Variants in COL4A2 observed in about 807,000 individuals in gnomAD.
COL4A2 encodes the protein collagen type IV alpha 2 chain, also known as collagen alpha-2(IV) chain.
Under a neutral mutation model 200.2 loss-of-function variants are expected in COL4A2, and 99 were observed. The ratio of observed to expected loss-of-function variants is 0.49; its 90% CI spans 0.42 to 0.58. COL4A2 has a LOEUF of 0.58. Among genes scored for constraint, COL4A2 ranks in the 20% least tolerant of loss-of-function variants. The probability of loss-of-function intolerance (pLI) is 0.00; values close to 1 mark genes in which losing one functional copy is unlikely to be tolerated. For synonymous variants in COL4A2, 897 were observed against 900.6 expected (o/e 1.00, Z 0.07); for missense variants, 1,950 against 2,314.1 (o/e 0.84, Z 3.23).
At chr13:110,317,212 A>ACC (rs888905018) in intron 3 of COL4A2, among the ~76,000 whole-genome samples, 2 of 141,480 alleles carry the variant, frequency 1.4e-5, no homozygotes, top group Non-Finnish European at 3.0e-5. Context: ...ACACACGTGC[A>ACC]CCCCACACAC....
At chr13:110,329,569 G>A (rs1875809233) in intron 3 of COL4A2, among the ~76,000 whole-genome samples, 1 of 152,142 alleles carries the variant, frequency 6.6e-6, no homozygotes, top group South Asian at 2.1e-4. Context: ...TGGCATCCTT[G>A]GAAATAGAGG....
intron 15 of COL4A2, 109 bp downstream of exon 15, chr13:110,438,777 TAG>T (rs1881002938): frequency 7.2e-7 from 1 of 1,387,602 alleles, no homozygotes; most frequent in Admixed American, 1.8e-5. Context: ...GCAGAAAGTA[TAG>T]AGATTTCCCG....
chr13:110,437,572 CT>C (rs1880940190), intron 13 of COL4A2, among the ~76,000 whole-genome samples: 1 of 152,222 alleles, frequency 6.6e-6, no homozygotes, highest in Non-Finnish European at 1.5e-5. Flanking sequence ...TCAACAGCCA[CT>C]TTTGCTTCAA....
chr13:110,420,177 T>A (rs1018240331), intron 4 of COL4A2, among the ~76,000 whole-genome samples: 3 of 152,076 alleles, frequency 2.0e-5, no homozygotes, highest in African/African-American at 7.2e-5. Flanking sequence ...GTCAGCCAGC[T>A]CCCCAGATCT....
At chr13:110,363,106 C>T (rs1319631191) in intron 4 of COL4A2, among the ~76,000 whole-genome samples, 2 of 151,948 alleles carry the variant, frequency 1.3e-5, no homozygotes, top group Non-Finnish European at 2.9e-5. Flanking sequence ...GTCAAATGGC[C>T]CTGTCACACG....
chr13:110,439,928 T>A, intron 16 of COL4A2, 95 bp downstream of exon 16: 1 of 1,519,592 alleles, frequency 6.6e-7, no homozygotes, highest in Admixed American at 2.4e-5. Context: ...AAGAAAATTG[T>A]CTCCAGAAAA....
At chr13:110,384,224 A>G (rs996099681) in intron 4 of COL4A2, among the ~76,000 whole-genome samples, 1 of 152,238 alleles carries the variant, frequency 6.6e-6, no homozygotes, top group African/African-American at 2.4e-5. Context: ...TCATACATCA[A>G]TGACAGAGAA....
intron 4 of COL4A2, among the ~76,000 whole-genome samples, chr13:110,378,819 G>T (rs1315017420): frequency 6.6e-6 from 1 of 152,148 alleles, no homozygotes; most frequent in Non-Finnish European, 1.5e-5. Flanking sequence ...CTTAGACAAG[G>T]AATTCGGTCC....
At chr13:110,348,192 T>C (rs11840326) in intron 3 of COL4A2, among the ~76,000 whole-genome samples, 4,330 of 152,338 alleles carry the variant, frequency 0.028, 207 homozygotes, top group African/African-American at 0.099. Flanking sequence ...CTCACTGGCA[T>C]TCCAGAAAAG....
Position 110,358,055 on chromosome 13 carries a change from A to AAGG in COL4A2, c.180+503_180+504insAGG, listed in dbSNP as rs893444854. On this transcript the variant is annotated intron_variant, in intron 4 of 47. Coordinates refer to ENST00000360467, the MANE Select transcript of COL4A2 (RefSeq NM_001846.4). The stretch of plus-strand genomic sequence containing the variant: ...AGTAATAAATTAACCTTAGTTTACT[A>AAGG]TAACTTTTTTACTTTATAAACTGTT... 9.9e-4 allele frequency among the ~76,000 whole-genome samples: 151 copies of AAGG among 152,354 alleles called. 1 individual carries two copies. Among genetic ancestry groups the AAGG allele is most frequent in the African/African-American group, 3.5e-3 (144 of 41,580 alleles).
intron 3 of COL4A2, among the ~76,000 whole-genome samples, chr13:110,343,448 G>A (rs1876552706): frequency 6.6e-6 from 1 of 152,170 alleles, no homozygotes; most frequent in South Asian, 2.1e-4. Context: ...GAAGGCATAG[G>A]TACACGCCGT....
intron 3 of COL4A2, among the ~76,000 whole-genome samples, chr13:110,309,688 C>A (rs1884917474): frequency 6.6e-6 from 1 of 152,140 alleles, no homozygotes; most frequent in Non-Finnish European, 1.5e-5. Context: ...GCACCTAGGT[C>A]TAAAGATCTA....
At position 110,504,004 on chromosome 13, in the gene COL4A2, G is replaced by T. The variant is rs748878362; in HGVS notation, c.4285+11G>T. On this transcript the variant is annotated intron_variant, in intron 44 of 47. Transcript: ENST00000360467. Reference sequence around the variant, plus strand: ...CCCCCGGAGAACCAGGTAGAGTGCTGAGCTGGGGCCTGGAGCCCCTCGGGG... The same window carrying T: ...CCCCCGGAGAACCAGGTAGAGTGCTTAGCTGGGGCCTGGAGCCCCTCGGGG... 16 of 1,556,438 alleles carry T rather than the reference G, an allele frequency of 1.0e-5. No homozygotes were observed. Among genetic ancestry groups the T allele is most frequent in the Non-Finnish European group, 1.4e-5 (16 of 1,154,468 alleles).
chr13:110,342,830 G>A (rs767048400), intron 3 of COL4A2, among the ~76,000 whole-genome samples: 2 of 152,104 alleles, frequency 1.3e-5, no homozygotes, highest in Non-Finnish European at 2.9e-5. Context: ...CTTAGGGCAG[G>A]GCAAAGGCAC....
intron 3 of COL4A2, among the ~76,000 whole-genome samples, chr13:110,308,909 C>G (rs1352124639): frequency 6.6e-6 from 1 of 152,190 alleles, no homozygotes; most frequent in African/African-American, 2.4e-5. Flanking sequence ...GTGCAGGACT[C>G]AAATGTTTAG....
intron 3 of COL4A2, among the ~76,000 whole-genome samples, chr13:110,311,333 C>G (rs1884976445): frequency 6.6e-6 from 1 of 152,160 alleles, no homozygotes; most frequent in Non-Finnish European, 1.5e-5. Flanking sequence ...TAAAGGTGCC[C>G]TTGTTTGAAT....
intron 30 of COL4A2, among the ~76,000 whole-genome samples, chr13:110,478,628 G>C (rs940797656): frequency 6.6e-6 from 1 of 152,156 alleles, no homozygotes; most frequent in African/African-American, 2.4e-5. Flanking sequence ...CAGAAGGCAG[G>C]CAGGGCACAG....
At chr13:110,417,035 C>T (rs1449517421) in intron 4 of COL4A2, among the ~76,000 whole-genome samples, 2 of 150,618 alleles carry the variant, frequency 1.3e-5, no homozygotes, top group East Asian at 3.9e-4. Flanking sequence ...GGCTGGAGTG[C>T]AGTGGCACGA....
At chr13:110,361,413 C>T (rs1253741121) in intron 4 of COL4A2, among the ~76,000 whole-genome samples, 1 of 152,196 alleles carries the variant, frequency 6.6e-6, no homozygotes, top group Non-Finnish European at 1.5e-5. Flanking sequence ...TGGCTCCCGT[C>T]TCTCTTCCCT....
Sources: gnomAD v4.1 joint callset for allele counts (sites outside exome capture counted in the v4.1 genomes callset) on GRCh38, gnomAD v4.1.1 for gene constraint, MANE v1.5 for transcripts, NCBI Gene and HGNC (gene_info 2026-07-23, HGNC 2026-07-21) for gene names.